Variants in GRHL2 observed in about 807,000 individuals in gnomAD.
GRHL2 encodes the protein grainyhead-like protein 2 homolog.
Under a neutral mutation model 83.8 loss-of-function variants are expected in GRHL2, and 21 were observed. The ratio of observed to expected loss-of-function variants is 0.25; its 90% CI spans 0.18 to 0.36. The LOEUF is 0.36. Among genes scored for constraint, GRHL2 ranks in the 10% least tolerant of loss-of-function variants. GRHL2 has a pLI of 1.00. For missense variants in GRHL2, 623 were observed against 781.8 expected, an observed-to-expected ratio of 0.80 and a Z score of 2.42; for synonymous variants, 280 against 278.9, an observed-to-expected ratio of 1.00 and a Z score of -0.04.
intron 3 of GRHL2, among the ~76,000 whole-genome samples, chr8:101,555,889 T>C (rs1362268659): frequency 6.6e-6 from 1 of 152,226 alleles, no homozygotes; most frequent in African/African-American, 2.4e-5. Context: ...GCTTGGTACT[T>C]AGGCAAGCTC....
chr8:101,535,494 A>C (rs1349945481), intron 1 of GRHL2, among the ~76,000 whole-genome samples: 3 of 152,142 alleles, frequency 2.0e-5, no homozygotes, highest in African/African-American at 7.2e-5. Flanking sequence ...TTTTGGTGTC[A>C]TTCTTGGATC....
chr8:101,665,550 C>G (rs951087322), intron 15 of GRHL2, among the ~76,000 whole-genome samples: 23 of 152,130 alleles, frequency 1.5e-4, no homozygotes, highest in African/African-American at 4.3e-4. Context: ...ATGTAGTAGG[C>G]TGGGTGTATT....
chr8:101,678,910 C>A, the GRHL2 span, among the ~76,000 whole-genome samples: 2 of 134,824 alleles, frequency 1.5e-5, no homozygotes, highest in South Asian at 2.7e-4. Context: ...ACATCCACAC[C>A]AAAAACCCAT....
At chr8:101,545,934 T>C (rs867667454) in intron 2 of GRHL2, among the ~76,000 whole-genome samples, 1 of 136,262 alleles carries the variant, frequency 7.3e-6, no homozygotes, top group Non-Finnish European at 1.5e-5. Context: ...CAGGCTGGAG[T>C]GCAGTGGCAC....
At chr8:101,521,318 C>T (rs781173891) in intron 1 of GRHL2, among the ~76,000 whole-genome samples, 44 of 152,174 alleles carry the variant, frequency 2.9e-4, no homozygotes, top group African/African-American at 9.9e-4. Context: ...CACACATGAT[C>T]GCTGGCTGGA....
At chr8:101,631,803 T>C (rs1302324143) in intron 10 of GRHL2, 79 bp downstream of exon 10, 8 of 1,203,250 alleles carry the variant, frequency 6.6e-6, no homozygotes, top group Non-Finnish European at 9.9e-6. Context: ...GTGGAAGAAG[T>C]GGGTTGCAGG....
rs774850147 is a variant in GRHL2, at chr8:101,573,725, G to A, written c.792G>A (p.Glu264=). 1.9e-6 allele frequency: 3 copies of A among 1,614,046 alleles called. No homozygotes were observed. In the African/African-American group the frequency reaches 4.0e-5, roughly 22 times the overall value. ...AATCTCTCCGTCAGAAGCAGGGGGA[G>A]GGCCCCATGACCTACCTCAACAAAG... ...ATKSLRQKQG[E]GPMTYLNKGQ... Residue 264 remains glutamate, a synonymous_variant, in exon 6 of 16, where the codon GAG becomes GAA. Coordinates refer to ENST00000646743, the MANE Select transcript of GRHL2 (RefSeq NM_024915.4).
At chr8:101,660,329 A>T (rs570177709) in intron 14 of GRHL2, among the ~76,000 whole-genome samples, 21 of 152,262 alleles carry the variant, frequency 1.4e-4, no homozygotes, top group Admixed American at 1.0e-3. Context: ...AACCTCATCA[A>T]CCTTAAATTA....
chr8:101,592,950 TTTTG>T (rs1449275739), intron 7 of GRHL2, among the ~76,000 whole-genome samples: 1 of 152,148 alleles, frequency 6.6e-6, no homozygotes, highest in East Asian at 1.9e-4. Flanking sequence ...GTTTTATTCT[TTTTG>T]TTGTTGTTGT....
At chr8:101,506,501 T>A (rs1237524522) in intron 1 of GRHL2, among the ~76,000 whole-genome samples, 1 of 152,240 alleles carries the variant, frequency 6.6e-6, no homozygotes, top group East Asian at 1.9e-4. Flanking sequence ...AATACTATAC[T>A]ATTGGTACTT....
At chr8:101,600,065 G>A (rs1586133517) in intron 8 of GRHL2, among the ~76,000 whole-genome samples, 1 of 152,176 alleles carries the variant, frequency 6.6e-6, no homozygotes, top group South Asian at 2.1e-4. Flanking sequence ...TATTGTCTGC[G>A]AGCAGGGGGA....
intron 8 of GRHL2, among the ~76,000 whole-genome samples, chr8:101,602,814 G>A (rs978705914): frequency 2.0e-5 from 3 of 152,184 alleles, no homozygotes; most frequent in African/African-American, 7.2e-5. Context: ...ATGCAGTTTA[G>A]CTCTTCACTG....
intron 4 of GRHL2, among the ~76,000 whole-genome samples, chr8:101,570,067 A>G (rs1021530726): frequency 1.3e-5 from 2 of 152,238 alleles, no homozygotes; most frequent in Non-Finnish European, 2.9e-5. Flanking sequence ...CTATTTGAGG[A>G]AACAGCTTCC....
chr8:101,576,833 A>G (rs1402953316), intron 6 of GRHL2, among the ~76,000 whole-genome samples: 1 of 152,224 alleles, frequency 6.6e-6, no homozygotes, highest in African/African-American at 2.4e-5. Context: ...TTAAATAGAT[A>G]TCATAGTTGC....
chr8:101,680,605 C>A, the GRHL2 span, among the ~76,000 whole-genome samples: 3 of 121,684 alleles, frequency 2.5e-5, no homozygotes, highest in African/African-American at 6.8e-5. Flanking sequence ...CTCTCCACCC[C>A]AAATCAACAG....
chr8:101,574,666 C>A (rs561497082), intron 6 of GRHL2, among the ~76,000 whole-genome samples: 1 of 152,306 alleles, frequency 6.6e-6, no homozygotes, highest in Non-Finnish European at 1.5e-5. Flanking sequence ...GCAGGTGGGG[C>A]GCAGGTTCCA....
At chr8:101,519,231 C>T (rs1810633020) in intron 1 of GRHL2, among the ~76,000 whole-genome samples, 1 of 151,436 alleles carries the variant, frequency 6.6e-6, no homozygotes, top group Non-Finnish European at 1.5e-5. Flanking sequence ...CTATGTTGCC[C>T]AGGCTGATCT....
intron 2 of GRHL2, among the ~76,000 whole-genome samples, chr8:101,545,544 T>C (rs762998851): frequency 2.6e-5 from 4 of 152,032 alleles, no homozygotes; most frequent in Admixed American, 2.0e-4. Context: ...GGTTGTTTTA[T>C]AGTTTTCATT....
At chr8:101,548,158 C>T (rs1036504840) in intron 2 of GRHL2, among the ~76,000 whole-genome samples, 23 of 152,098 alleles carry the variant, frequency 1.5e-4, no homozygotes, top group African/African-American at 5.6e-4. Context: ...TCCATCTATC[C>T]ATCCATCCAT....
Sources: gnomAD v4.1 joint callset for allele counts (sites outside exome capture counted in the v4.1 genomes callset) on GRCh38, gnomAD v4.1.1 for gene constraint, MANE v1.5 for transcripts, NCBI Gene and HGNC (gene_info 2026-07-23, HGNC 2026-07-21) for gene names.